The following SLC12A3 variants were observed in gnomAD, a reference collection of about 807,000 sequenced individuals.
SLC12A3 encodes solute carrier family 12 member 3.
A neutral mutation model predicts 121.0 loss-of-function variants in SLC12A3; 104 were observed. That is an observed-to-expected ratio of 0.86 (90% CI 0.73 to 1.01). SLC12A3 has a LOEUF of 1.01. Ranked by LOEUF, SLC12A3 falls within the 50% of genes least tolerant of loss-of-function variation. The pLI, the probability that SLC12A3 is intolerant of heterozygous loss-of-function variation, is 0.00. For synonymous variants in SLC12A3, 536 were observed against 533.4 expected (o/e 1.00, Z -0.07); for missense variants, 1,328 against 1,356.3 (o/e 0.98, Z 0.33).
intron 22 of SLC12A3, among the ~76,000 whole-genome samples, chr16:56,896,600 A>T (rs36088212): frequency 6.6e-6 from 1 of 152,156 alleles, no homozygotes; most frequent in Admixed American, 6.5e-5. Flanking sequence ...ACTTAAAAAA[A>T]AAATTAACTG....
rs1375186689 is a variant in SLC12A3, at chr16:56,900,730, C to T, written c.2720+1114C>T. On this transcript the variant is annotated intron_variant, in intron 23 of 25. Transcript: ENST00000563236. Reference sequence around the variant, plus strand: ...ATTTTTAGTAGAGATGGGGTTTCACCATGTTGGCCAGGCTGGTCTCAAACT... The same window carrying T: ...ATTTTTAGTAGAGATGGGGTTTCACTATGTTGGCCAGGCTGGTCTCAAACT... Among the ~76,000 whole-genome samples the T allele has an allele frequency of 2.6e-5, 4 of 152,072 alleles. No individual in the cohort carries two copies. In the East Asian group the frequency reaches 7.7e-4, roughly 29 times the overall value.
intron 17 of SLC12A3, 127 bp from the exon 18 acceptor site, chr16:56,887,798 A>ATATATATTTTTT (rs1433682477): frequency 1.5e-5 from 1 of 68,456 alleles, no homozygotes; most frequent in African/African-American, 5.7e-5. Flanking sequence ...ATATATATAT[A>ATATATATTTTTT]TTTTTTTTTT....
chr16:56,885,453 C>T, intron 15 of SLC12A3, 89 bp downstream of exon 15: 6 of 825,108 alleles, frequency 7.3e-6, no homozygotes, highest in Non-Finnish European at 1.2e-5. Flanking sequence ...TGTCACCTGA[C>T]CCAGGCAGAC....
intron 14 of SLC12A3, 100 bp from the exon 15 acceptor site, chr16:56,885,165 C>A: frequency 1.2e-6 from 1 of 810,818 alleles, no homozygotes; most frequent in Non-Finnish European, 2.1e-6. Flanking sequence ...GTGCCCGGTG[C>A]CTAGAGAAGG....
intron 14 of SLC12A3, 131 bp from the exon 15 acceptor site, chr16:56,885,134 C>T (rs1329021683): frequency 2.8e-6 from 2 of 708,034 alleles, no homozygotes; most frequent in African/African-American, 3.5e-5. Context: ...CTGCCCATCC[C>T]AGGTGGCCCT....
At chr16:56,911,622 G>A (rs368348349) in intron 25 of SLC12A3, among the ~76,000 whole-genome samples, 3 of 152,170 alleles carry the variant, frequency 2.0e-5, no homozygotes, top group Non-Finnish European at 2.9e-5. Flanking sequence ...TGCCTGGCCC[G>A]GGACATTGCT....
At chr16:56,869,387 G>A (rs754626230) in intron 3 of SLC12A3, among the ~76,000 whole-genome samples, 15 of 152,124 alleles carry the variant, frequency 9.9e-5, no homozygotes, top group South Asian at 4.1e-4. Flanking sequence ...GAGTGCAGTC[G>A]CGTGGTCTCG....
chr16:56,868,264 C>G (rs780037143), intron 2 of SLC12A3, 33 bp from the exon 3 acceptor site: 1 of 1,608,594 alleles, frequency 6.2e-7, no homozygotes, highest in South Asian at 1.1e-5. Flanking sequence ...GGGGTGTCCA[C>G]CCAGGTGGCC....
intron 13 of SLC12A3, among the ~76,000 whole-genome samples, chr16:56,883,073 G>GT (rs1161854914): frequency 2.0e-5 from 3 of 152,024 alleles, no homozygotes; most frequent in Admixed American, 1.3e-4. Flanking sequence ...TCCTTCCCCA[G>GT]TTTTACAGGA....
At position 56,884,219 on chromosome 16, in the gene SLC12A3, T is replaced by G; in HGVS notation, c.1825+15T>G. The G allele has an allele frequency of 3.7e-6, 6 of 1,613,736 alleles. No individual in the cohort carries two copies. Among genetic ancestry groups the G allele is most frequent in the Non-Finnish European group, 5.1e-6 (6 of 1,179,910 alleles). Reference sequence around the variant, plus strand: ...CAAGAAGCCAGGTGCGCATCTCAGCTGCGGGGCCTCGGCCCTCCTCCCCCA... The same window carrying G: ...CAAGAAGCCAGGTGCGCATCTCAGCGGCGGGGCCTCGGCCCTCCTCCCCCA... On this transcript the variant is annotated intron_variant, in intron 14 of 25. Coordinates refer to ENST00000563236, the MANE Select transcript of SLC12A3 (RefSeq NM_001126108.2).
intron 10 of SLC12A3, 92 bp from the exon 11 acceptor site, chr16:56,879,450 A>G: frequency 8.4e-7 from 1 of 1,184,726 alleles, no homozygotes; most frequent in Admixed American, 1.8e-5. Flanking sequence ...CTCAGGACCC[A>G]GCCCCTGCCC....
chr16:56,870,746 C>CCATGGAGGAGGGGGA lies in SLC12A3; in HGVS notation c.852+19_852+33dup, dbSNP rs2144691217. Reference sequence around the variant, plus strand: ...GGAGTGGGAGTCCAAGGTGAGGAGGCCATGGAGGAGGGGGACATGGAGGTG... The same window carrying CCATGGAGGAGGGGGA: ...GGAGTGGGAGTCCAAGGTGAGGAGGCCATGGAGGAGGGGGACATGGAGGAGGGGGACATGGAGGTG... On this transcript the variant is annotated intron_variant, in intron 6 of 25. Coordinates refer to ENST00000563236, the MANE Select transcript of SLC12A3 (RefSeq NM_001126108.2). The CCATGGAGGAGGGGGA allele has an allele frequency of 1.3e-6, 2 of 1,572,468 alleles. No individual in the cohort carries two copies. Among genetic ancestry groups the CCATGGAGGAGGGGGA allele is most frequent in the Non-Finnish European group, 1.8e-6 (2 of 1,142,436 alleles).
intron 23 of SLC12A3, among the ~76,000 whole-genome samples, chr16:56,901,944 C>T (rs2055544303): frequency 6.6e-6 from 1 of 152,234 alleles, no homozygotes; most frequent in Non-Finnish European, 1.5e-5. Flanking sequence ...CTTCAGGTCC[C>T]AGAAGGGCCT....
At chr16:56,902,268 GA>G in intron 23 of SLC12A3, 104 bp from the exon 24 acceptor site, 2 of 1,449,138 alleles carry the variant, frequency 1.4e-6, no homozygotes. Flanking sequence ...GTTTCAGCCT[GA>G]AAATGGGAGC....
chr16:56,872,638 C>G lies in SLC12A3; in HGVS notation c.965-18C>G. ...AGCCCTCCAGGTGAGCCTTACTCATCAGGCCTTGCTTTTCCAGCGGACATT... is the reference window on the plus strand; with the variant it reads ...AGCCCTCCAGGTGAGCCTTACTCATGAGGCCTTGCTTTTCCAGCGGACATT... On this transcript the variant is annotated intron_variant, in intron 7 of 25. Coordinates refer to ENST00000563236, the MANE Select transcript of SLC12A3 (RefSeq NM_001126108.2). The G allele has an allele frequency of 1.9e-6, 3 of 1,614,230 alleles. No individual in the cohort carries two copies. Among genetic ancestry groups the G allele is most frequent in the Non-Finnish European group, 8.5e-7 (1 of 1,180,048 alleles).
At chr16:56,879,680 G>A (rs965688572) in intron 11 of SLC12A3, 31 bp downstream of exon 11, 4 of 1,545,350 alleles carry the variant, frequency 2.6e-6, no homozygotes, top group African/African-American at 1.4e-5. Context: ...CGAGATGACA[G>A]GGGGTGGGGA....
intron 22 of SLC12A3, among the ~76,000 whole-genome samples, chr16:56,895,555 G>GA (rs1419901547): frequency 1.3e-5 from 2 of 150,244 alleles, no homozygotes; most frequent in African/African-American, 4.9e-5. Context: ...ATAATTTTTT[G>GA]AAAAAAGGAA....
intron 6 of SLC12A3, among the ~76,000 whole-genome samples, chr16:56,871,953 C>A (rs1348993707): frequency 6.6e-6 from 1 of 152,118 alleles, no homozygotes; most frequent in Non-Finnish European, 1.5e-5. Context: ...GAACTCCTGA[C>A]CTCAGGTGAT....
In SLC12A3 at chr16:56,870,239, A is replaced by C; in HGVS notation, c.741+4A>C. 1 of 1,612,456 alleles carries C rather than the reference A, an allele frequency of 6.2e-7. No individual in the cohort carries two copies. The highest frequency in any genetic ancestry group is 8.5e-7 in the Non-Finnish European group (1 of 1,179,876). ...GACCGTGCGGGACCTGCTCCAGGTG[A>C]GGCCGGGGGGCTGGACCCTGGGTAG... is the stretch of plus-strand genomic sequence containing the variant. On this transcript the variant is annotated splice_donor_region_variant and intron_variant, in intron 5 of 25. Transcript: ENST00000563236.
Sources: gnomAD v4.1 joint callset for allele counts (sites outside exome capture counted in the v4.1 genomes callset) on GRCh38, gnomAD v4.1.1 for gene constraint, MANE v1.5 for transcripts, NCBI Gene and HGNC (gene_info 2026-07-23, HGNC 2026-07-21) for gene names.